Variants in TMEM132D observed in about 807,000 individuals in gnomAD.
TMEM132D encodes mature OL transmembrane protein.
TMEM132D carries 21 observed loss-of-function variants against 62.3 expected under a neutral mutation model. The observed-to-expected ratio is 0.34, with a 90% CI of 0.24 to 0.49. The LOEUF (loss-of-function observed/expected upper bound fraction) is 0.49. Among genes scored for constraint, TMEM132D ranks in the 20% least tolerant of loss-of-function variants. The pLI is 0.99. For synonymous variants in TMEM132D, 621 were observed against 575.6 expected (o/e 1.08, Z -1.13); for missense variants, 1,346 against 1,402.8 (o/e 0.96, Z 0.65).
chr12:129,550,186 G>T (rs924798686), intron 2 of TMEM132D, among the ~76,000 whole-genome samples: 28 of 152,126 alleles, frequency 1.8e-4, no homozygotes, highest in African/African-American at 6.3e-4. Context: ...TGAAAAGGCA[G>T]AGGGCACATC....
chr12:129,269,394 T>TCCCTTC (rs964625840), intron 4 of TMEM132D, among the ~76,000 whole-genome samples: 19 of 152,120 alleles, frequency 1.2e-4, no homozygotes, highest in African/African-American at 4.8e-5. Context: ...CCTTCTCCTT[T>TCCCTTC]CCCTTCCCCT....
At chr12:129,205,124 T>C (rs1466299522) in intron 5 of TMEM132D, among the ~76,000 whole-genome samples, 3 of 152,002 alleles carry the variant, frequency 2.0e-5, no homozygotes, top group Admixed American at 1.3e-4. Flanking sequence ...AACAAATCTA[T>C]GGCTAACAAC....
chr12:129,340,311 C>T (rs1869427507), intron 3 of TMEM132D, among the ~76,000 whole-genome samples: 1 of 151,210 alleles, frequency 6.6e-6, no homozygotes, highest in Non-Finnish European at 1.5e-5. Flanking sequence ...AATTCTTTTT[C>T]TTTTTTTTTA....
rs1346607395 is a variant in TMEM132D, at chr12:129,479,289, GA to G, written c.1115+51769del. Among the ~76,000 whole-genome samples the G allele has an allele frequency of 3.9e-5, 6 of 152,002 alleles. No homozygotes were observed. The South Asian group carries it at 8.3e-4, about 21-fold the overall frequency. On this transcript the variant is annotated intron_variant, in intron 3 of 8. Coordinates refer to ENST00000422113, the MANE Select transcript of TMEM132D (RefSeq NM_133448.3). ...TTGTACCATGTGAAAAAGCTTTGGT[GA>G]AAAAAAATTGGCATCAAATTTAAGG...
Position 129,677,559 on chromosome 12 carries a change from T to G in TMEM132D, c.968+22251A>C, listed in dbSNP as rs148246164. Among the ~76,000 whole-genome samples the G allele has an allele frequency of 8.3e-4, 127 of 152,358 alleles. 1 individual carries two copies. In the East Asian group the frequency reaches 0.021, roughly 25 times the overall value. On this transcript the variant is annotated intron_variant, in intron 2 of 8. Transcript: ENST00000422113. ...TAAGTGACAACTGACTTGGTTTTTC[T>G]TTCCAAACTTTAAAAATTTTGACAT...
chr12:129,731,188 C>T (rs151142216), intron 1 of TMEM132D, among the ~76,000 whole-genome samples: 1 of 152,222 alleles, frequency 6.6e-6, no homozygotes, highest in East Asian at 1.9e-4. Context: ...CACACTGTGG[C>T]TTCCTGCCCA....
chr12:129,480,065 A>G (rs896169041), intron 3 of TMEM132D, among the ~76,000 whole-genome samples: 1 of 149,150 alleles, frequency 6.7e-6, no homozygotes, highest in Non-Finnish European at 1.5e-5. Context: ...AGATTTGAAG[A>G]AAGTTCTCAC....
chr12:129,394,728 C>T (rs1254770471), intron 3 of TMEM132D, among the ~76,000 whole-genome samples: 1 of 152,214 alleles, frequency 6.6e-6, no homozygotes, highest in African/African-American at 2.4e-5. Flanking sequence ...CCAGCTCAAA[C>T]ACATCGCATT....
intron 1 of TMEM132D, among the ~76,000 whole-genome samples, chr12:129,824,268 A>G (rs952286918): frequency 6.6e-6 from 1 of 152,302 alleles, no homozygotes; most frequent in African/African-American, 2.4e-5. Flanking sequence ...TTTCTACTAC[A>G]TAGCAGGCTC....
At chr12:129,155,446 G>T (rs1202177635) in intron 5 of TMEM132D, among the ~76,000 whole-genome samples, 1 of 152,174 alleles carries the variant, frequency 6.6e-6, no homozygotes, top group East Asian at 1.9e-4. Flanking sequence ...CTTTATGCTG[G>T]TTTAATAAAA....
At chr12:129,748,680 CTA>C (rs892499009) in intron 1 of TMEM132D, among the ~76,000 whole-genome samples, 3 of 152,194 alleles carry the variant, frequency 2.0e-5, no homozygotes, top group African/African-American at 7.2e-5. Flanking sequence ...AGAAGAAAAA[CTA>C]GGGCTCCCAG....
In TMEM132D at chr12:129,534,400, G is replaced by A. The variant is rs1044294808; in HGVS notation, c.969-3195C>T. Reference sequence around the variant, plus strand: ...GTTTTTAAAACATAATAGAACTGCAGGGACTGTGTATATTTTATATACATA... The same window carrying A: ...GTTTTTAAAACATAATAGAACTGCAAGGACTGTGTATATTTTATATACATA... On this transcript the variant is annotated intron_variant, in intron 2 of 8. Coordinates refer to ENST00000422113, the MANE Select transcript of TMEM132D (RefSeq NM_133448.3). Among the ~76,000 whole-genome samples, 4 of 146,802 alleles carry A rather than the reference G, an allele frequency of 2.7e-5. No homozygotes were observed. In the East Asian group the frequency reaches 7.8e-4, roughly 28 times the overall value.
intron 4 of TMEM132D, among the ~76,000 whole-genome samples, chr12:129,287,243 A>T (rs1005078026): frequency 6.6e-6 from 1 of 152,220 alleles, no homozygotes; most frequent in Non-Finnish European, 1.5e-5. Flanking sequence ...GGAAGAAAAT[A>T]AATACTGATA....
intron 4 of TMEM132D, among the ~76,000 whole-genome samples, chr12:129,264,578 G>A (rs1000531850): frequency 5.9e-5 from 9 of 152,116 alleles, no homozygotes; most frequent in East Asian, 3.9e-4. Flanking sequence ...TATCTACCCC[G>A]AGGAAAATAA....
chr12:129,796,768 T>C (rs1462673477), intron 1 of TMEM132D, among the ~76,000 whole-genome samples: 1 of 152,050 alleles, frequency 6.6e-6, no homozygotes, highest in Non-Finnish European at 1.5e-5. Flanking sequence ...TTAGGAGAAA[T>C]ACCTGATGTA....
intron 5 of TMEM132D, among the ~76,000 whole-genome samples, chr12:129,166,759 AC>A (rs1877571276): frequency 1.2e-5 from 1 of 86,494 alleles, no homozygotes; most frequent in African/African-American, 3.9e-5. Flanking sequence ...ACATACACAC[AC>A]ACATATATAT....
chr12:129,721,197 C>T (rs1336845274), intron 1 of TMEM132D, among the ~76,000 whole-genome samples: 1 of 152,204 alleles, frequency 6.6e-6, no homozygotes, highest in Admixed American at 6.5e-5. Flanking sequence ...TTTCATCCTA[C>T]TTGTACCGTT....
At chr12:129,848,415 C>T (rs546313102) in intron 1 of TMEM132D, among the ~76,000 whole-genome samples, 4 of 152,136 alleles carry the variant, frequency 2.6e-5, no homozygotes, top group Non-Finnish European at 4.4e-5. Context: ...TACCGGAATG[C>T]TTCAGCTTGG....
At chr12:129,451,569 T>G (rs1015671691) in intron 3 of TMEM132D, among the ~76,000 whole-genome samples, 2 of 152,132 alleles carry the variant, frequency 1.3e-5, no homozygotes, top group Non-Finnish European at 2.9e-5. Context: ...CATGATAAAA[T>G]ATGTGAAGCC....
Sources: allele counts gnomAD v4.1 joint callset (sites outside exome capture counted in the v4.1 genomes callset), GRCh38; gene constraint gnomAD v4.1.1; transcripts MANE v1.5; gene names NCBI Gene and HGNC (gene_info 2026-07-23, HGNC 2026-07-21).